The following LRRC37A variants were observed in gnomAD, a reference collection of about 807,000 sequenced individuals.
LRRC37A encodes the protein leucine rich repeat containing 37A, also known as leucine-rich repeat-containing protein 37A.
A neutral mutation model predicts 35.4 loss-of-function variants in LRRC37A; 3 were observed. The ratio of observed to expected loss-of-function variants is 0.08; its 90% CI spans 0.04 to 0.22. The LOEUF (loss-of-function observed/expected upper bound fraction) is 0.22. LRRC37A is among the 10% of genes least tolerant of loss of function. The probability of loss-of-function intolerance (pLI) is 1.00; values close to 1 mark genes in which losing one functional copy is unlikely to be tolerated. For synonymous variants in LRRC37A, 23 were observed against 215.0 expected, an observed-to-expected ratio of 0.11 and a Z score of 7.81; for missense variants, 67 against 565.3, an observed-to-expected ratio of 0.12 and a Z score of 8.94.
chr17:46,289,785 A>G (rs113754977), upstream of LRRC37A, among the ~76,000 whole-genome samples: 1 of 150,308 alleles, frequency 6.7e-6, no homozygotes, highest in Non-Finnish European at 1.5e-5. Context: ...AGAGTTTTTA[A>G]TTTTTTTAAT....
At chr17:46,262,460 G>T in the LRRC37A span, among the ~76,000 whole-genome samples, 2 of 152,236 alleles carry the variant, frequency 1.3e-5, no homozygotes, top group South Asian at 2.1e-4. Flanking sequence ...CTATCTGCTC[G>T]CTTCAGCTTC....
the LRRC37A span, among the ~76,000 whole-genome samples, chr17:46,272,871 AT>A: frequency 6.6e-6 from 1 of 152,244 alleles, no homozygotes; most frequent in South Asian, 2.1e-4. Context: ...TGGTCTCAGG[AT>A]TTCCATAAAA....
intron 5 of LRRC37A, among the ~76,000 whole-genome samples, chr17:46,313,075 G>A (rs1465072700): frequency 2.1e-4 from 20 of 94,528 alleles, no homozygotes; most frequent in South Asian, 4.6e-4. Flanking sequence ...TACCATCAAC[G>A]CAGTATTATA....
At chr17:46,325,466 C>G (rs1222593645) in intron 7 of LRRC37A, among the ~76,000 whole-genome samples, 4 of 78,934 alleles carry the variant, frequency 5.1e-5, no homozygotes, top group African/African-American at 1.3e-4. Context: ...CTCAAGTATA[C>G]CTCAGGTCAT....
At chr17:46,250,799 C>A in the LRRC37A span, among the ~76,000 whole-genome samples, 5 of 152,246 alleles carry the variant, frequency 3.3e-5, no homozygotes, top group Non-Finnish European at 5.9e-5. Context: ...GAGGCTCAGG[C>A]AGGAGGATGG....
the LRRC37A span, among the ~76,000 whole-genome samples, chr17:46,276,790 C>CTT: frequency 3.7e-4 from 49 of 134,206 alleles, no homozygotes; most frequent in Non-Finnish European, 5.5e-4. Flanking sequence ...TTCTTTTTTT[C>CTT]TTTTTTTTTT....
At chr17:46,286,748 C>T in the LRRC37A span, among the ~76,000 whole-genome samples, 2 of 152,204 alleles carry the variant, frequency 1.3e-5, no homozygotes, top group African/African-American at 4.8e-5. Context: ...CCAGTCAGAG[C>T]AATTTGGCTT....
the LRRC37A span, among the ~76,000 whole-genome samples, chr17:46,261,227 AG>A: frequency 1.6e-4 from 24 of 152,200 alleles, no homozygotes; most frequent in Admixed American, 7.2e-4. Context: ...ATTTTTTTTT[AG>A]AAAAAGAGTT....
At chr17:46,248,758 G>C in the LRRC37A span, among the ~76,000 whole-genome samples, 6 of 152,078 alleles carry the variant, frequency 3.9e-5, no homozygotes, top group African/African-American at 1.5e-4. Context: ...GACCTCAAGT[G>C]ATCCGCCCGC....
chr17:46,268,852 T>A, the LRRC37A span, among the ~76,000 whole-genome samples: 1 of 152,250 alleles, frequency 6.6e-6, no homozygotes, highest in Non-Finnish European at 1.5e-5. Context: ...GTCACTTTGT[T>A]ATTTACAAGA....
chr17:46,276,969 AATTTTTTGT>A, the LRRC37A span, among the ~76,000 whole-genome samples: 1 of 146,594 alleles, frequency 6.8e-6, no homozygotes. Flanking sequence ...ATGCTCAGCT[AATTTTTTGT>A]ATTTTTTGTA....
At chr17:46,278,398 TTTG>T in the LRRC37A span, among the ~76,000 whole-genome samples, 1 of 138,712 alleles carries the variant, frequency 7.2e-6, no homozygotes, top group African/African-American at 2.8e-5. Context: ...TTTGTTTTAT[TTTG>T]TTTTTTTTTT....
chr17:46,283,834 A>G, the LRRC37A span, among the ~76,000 whole-genome samples: 1 of 150,292 alleles, frequency 6.7e-6, no homozygotes, highest in Admixed American at 6.6e-5. Flanking sequence ...TGTCAGGGTC[A>G]TAGGATAATA....
chr17:46,316,427 G>C (rs1411742193), intron 5 of LRRC37A, among the ~76,000 whole-genome samples: 2 of 29,080 alleles, frequency 6.9e-5, no homozygotes, highest in Admixed American at 4.1e-4. Flanking sequence ...TTGTCCTCCA[G>C]TGTTGTGTGT....
chr17:46,277,523 C>A, the LRRC37A span, among the ~76,000 whole-genome samples: 8 of 152,370 alleles, frequency 5.3e-5, no homozygotes, highest in African/African-American at 1.7e-4. Context: ...CATAGAGGGG[C>A]TTATAATGAG....
At chr17:46,254,314 T>C in the LRRC37A span, among the ~76,000 whole-genome samples, 1 of 152,156 alleles carries the variant, frequency 6.6e-6, no homozygotes, top group Non-Finnish European at 1.5e-5. Flanking sequence ...CCAGAGGTCC[T>C]AGTGCCAAAG....
intron 1 of LRRC37A, chr17:46,299,585 T>G (rs1221322991): frequency 3.0e-4 from 3 of 10,102 alleles, no homozygotes; most frequent in Admixed American, 2.1e-3. Context: ...GAAGTTAAGC[T>G]TCCAGGAGAT....
chr17:46,285,392 C>T, the LRRC37A span, among the ~76,000 whole-genome samples: 1 of 152,110 alleles, frequency 6.6e-6, no homozygotes, highest in African/African-American at 2.4e-5. Context: ...AGGCTCACGC[C>T]ACCACACCCG....
At chr17:46,266,937 C>T in the LRRC37A span, 24 of 166,266 alleles carry the variant, frequency 1.4e-4, no homozygotes, top group African/African-American at 4.9e-4. Context: ...CGGCCGCGCG[C>T]GCGCGCCGCC....
Sources: allele counts gnomAD v4.1 joint callset (sites outside exome capture counted in the v4.1 genomes callset), GRCh38; gene constraint gnomAD v4.1.1; transcripts MANE v1.5; gene names NCBI Gene and HGNC (gene_info 2026-07-23, HGNC 2026-07-21).